The following ARHGEF28 variants were observed in gnomAD, a reference collection of about 807,000 sequenced individuals.
ARHGEF28 encodes the protein Rho guanine nucleotide exchange factor 28.
Under a neutral mutation model 206.6 loss-of-function variants are expected in ARHGEF28, and 152 were observed. That is an observed-to-expected ratio of 0.74 (90% CI 0.64 to 0.84). The LOEUF (loss-of-function observed/expected upper bound fraction) is 0.84, where lower values mean the gene tolerates loss of function less well. Ranked by LOEUF, ARHGEF28 falls within the 40% of genes least tolerant of loss-of-function variation. The pLI, the probability that ARHGEF28 is intolerant of heterozygous loss-of-function variation, is 0.00. For missense variants in ARHGEF28, 2,028 were observed against 2,073.2 expected (o/e 0.98, Z 0.42); for synonymous variants, 763 against 776.4 (o/e 0.98, Z 0.29).
intron 13 of ARHGEF28, among the ~76,000 whole-genome samples, chr5:73,850,688 T>C (rs1004615258): frequency 1.2e-4 from 19 of 152,190 alleles, no homozygotes; most frequent in African/African-American, 2.4e-4. Context: ...AGGAAACTTA[T>C]TGTTCACAAG....
chr5:73,842,266 CAT>C (rs1197041633), intron 11 of ARHGEF28, among the ~76,000 whole-genome samples: 1 of 152,162 alleles, frequency 6.6e-6, no homozygotes, highest in East Asian at 1.9e-4. Flanking sequence ...AATGCACACA[CAT>C]ATGTGACTAT....
intron 13 of ARHGEF28, 22 bp downstream of exon 13, chr5:73,849,109 G>A: frequency 2.0e-6 from 3 of 1,493,146 alleles, no homozygotes; most frequent in Non-Finnish European, 2.7e-6. Context: ...TTAACATTTG[G>A]CTTTGAAAAC....
intron 7 of ARHGEF28, among the ~76,000 whole-genome samples, chr5:73,790,681 G>GAAAAAAAAAAAAA (rs33944186): frequency 7.0e-6 from 1 of 141,994 alleles, no homozygotes; most frequent in Non-Finnish European, 1.5e-5. Context: ...CCACTTTTAG[G>GAAAAAAAAAAAAA]AAAAAAAAAA....
chr5:73,637,303 A>T (rs1481668625), intron 1 of ARHGEF28, among the ~76,000 whole-genome samples: 1 of 151,926 alleles, frequency 6.6e-6, no homozygotes, highest in African/African-American at 2.4e-5. Context: ...CCCCGCTCCC[A>T]TCTTTCTCTA....
At chr5:73,659,347 G>T (rs185649827) in intron 1 of ARHGEF28, among the ~76,000 whole-genome samples, 72 of 152,220 alleles carry the variant, frequency 4.7e-4, no homozygotes, top group Non-Finnish European at 8.1e-4. Context: ...TGGCTAACAC[G>T]GTGAAACCCC....
chr5:73,769,162 A>C (rs1191952299), intron 4 of ARHGEF28, among the ~76,000 whole-genome samples: 1 of 152,172 alleles, frequency 6.6e-6, no homozygotes, highest in Non-Finnish European at 1.5e-5. Flanking sequence ...CAAATATCAG[A>C]AAAAATATTT....
chr5:73,753,289 AG>A, intron 4 of ARHGEF28, 87 bp downstream of exon 4: 1 of 1,375,040 alleles, frequency 7.3e-7, no homozygotes, highest in Non-Finnish European at 9.5e-7. Context: ...TCCCCTCGGC[AG>A]GTTTTCCTGC....
intron 9 of ARHGEF28, among the ~76,000 whole-genome samples, chr5:73,804,818 G>A (rs1755345883): frequency 1.3e-5 from 2 of 152,108 alleles, no homozygotes; most frequent in South Asian, 4.1e-4. Context: ...CATTGTCACT[G>A]TTGATATTGA....
At chr5:73,772,457 C>T (rs1753273559) in intron 4 of ARHGEF28, among the ~76,000 whole-genome samples, 1 of 152,182 alleles carries the variant, frequency 6.6e-6, no homozygotes, top group South Asian at 2.1e-4. Flanking sequence ...CCACTCACTG[C>T]AACCTCTGCC....
chr5:73,741,439 ATATG>A (rs1751426922), intron 2 of ARHGEF28, among the ~76,000 whole-genome samples: 2 of 99,348 alleles, frequency 2.0e-5, no homozygotes, highest in African/African-American at 3.9e-5. Context: ...ATATATATAT[ATATG>A]TATACTCACT....
intron 9 of ARHGEF28, among the ~76,000 whole-genome samples, chr5:73,807,949 A>G (rs1331667273): frequency 2.6e-5 from 4 of 152,068 alleles, no homozygotes; most frequent in Non-Finnish European, 4.4e-5. Context: ...CACATATCAT[A>G]TATCAGTAAC....
Position 73,907,782 on chromosome 5 carries a change from C to T in ARHGEF28, c.4162-1630C>T, listed in dbSNP as rs547612778. Among the ~76,000 whole-genome samples the T allele has an allele frequency of 2.1e-3, 313 of 152,178 alleles. 4 individuals carry two copies. The highest frequency in any genetic ancestry group is 7.1e-3 in the African/African-American group (295 of 41,516). On this transcript the variant is annotated intron_variant, in intron 33 of 35. Coordinates refer to ENST00000513042, the MANE Select transcript of ARHGEF28 (RefSeq NM_001177693.2). The stretch of plus-strand genomic sequence containing the variant: ...GAATATTTAAATTTAGATGAATATC[C>T]GATCTTCAGATTCCAGCTCTATGCA...
rs758119684 is a variant in ARHGEF28 at position 73,867,949 on chromosome 5, G to T, written c.2226G>T (p.Pro742=). The T allele has an allele frequency of 3.7e-6, 6 of 1,613,918 alleles. No homozygotes were observed. Among genetic ancestry groups the T allele is most frequent in the Non-Finnish European group, 5.1e-6 (6 of 1,179,860 alleles). The stretch of plus-strand genomic sequence containing the variant: ...CTTCCTCCGTGCCTGTTGGATTGCC[G>T]ACTGGAAGGAGGGAGACTGTGGGAC... ...HPSSSVPVGL[P]TGRRETVGQV... Residue 742 remains proline (P), a synonymous_variant, in exon 19 of 36, where the codon CCG becomes CCT. Coordinates refer to ENST00000513042, the MANE Select transcript of ARHGEF28 (RefSeq NM_001177693.2).
chr5:73,929,280 AC>A (rs1763981103), intron 35 of ARHGEF28, among the ~76,000 whole-genome samples: 1 of 152,036 alleles, frequency 6.6e-6, no homozygotes, highest in South Asian at 2.1e-4. Context: ...CTAGACTCCT[AC>A]CCCCAATACA....
chr5:73,629,487 G>A (rs1353743880), intron 1 of ARHGEF28, among the ~76,000 whole-genome samples: 2 of 139,596 alleles, frequency 1.4e-5, no homozygotes, highest in East Asian at 4.1e-4. Context: ...CAGTCTGGGT[G>A]ACAGAAAAAG....
intron 16 of ARHGEF28, chr5:73,863,022 G>A (rs1172797314): frequency 1.3e-5 from 2 of 151,244 alleles, no homozygotes; most frequent in Non-Finnish European, 2.9e-5. Context: ...ATAAATTCTT[G>A]GACCAAAGTC....
At chr5:73,846,247 C>CT (rs1463648625) in intron 11 of ARHGEF28, 21 bp from the exon 12 acceptor site, 1 of 1,608,552 alleles carries the variant, frequency 6.2e-7, no homozygotes, top group African/African-American at 1.3e-5. Context: ...TCTTTACTTA[C>CT]TTGCTGGCTT....
At chr5:73,931,417 T>A (rs557046319) in intron 35 of ARHGEF28, among the ~76,000 whole-genome samples, 133 of 152,282 alleles carry the variant, frequency 8.7e-4, no homozygotes, top group African/African-American at 3.0e-3. Flanking sequence ...TTCTATTTTT[T>A]AAAAAAATAA....
intron 33 of ARHGEF28, among the ~76,000 whole-genome samples, chr5:73,905,540 GA>G (rs1163026189): frequency 6.6e-6 from 1 of 152,164 alleles, no homozygotes. Flanking sequence ...TCTACAAAGA[GA>G]ATTAAAATTA....
Sources: allele counts gnomAD v4.1 joint callset (sites outside exome capture counted in the v4.1 genomes callset), GRCh38; gene constraint gnomAD v4.1.1; transcripts MANE v1.5; gene names NCBI Gene and HGNC (gene_info 2026-07-23, HGNC 2026-07-21).